Variants in AGMO observed in about 807,000 individuals in gnomAD.
The protein encoded by AGMO is glyceryl-ether monooxygenase.
In AGMO, 75 loss-of-function variants were observed where a neutral mutation model predicts 60.2. The ratio of observed to expected loss-of-function variants is 1.25; its 90% CI spans 1.03 to 1.51. The LOEUF is 1.51. Among genes scored for constraint, AGMO ranks in the 40% most tolerant of loss-of-function variants. The pLI, the probability that AGMO is intolerant of heterozygous loss-of-function variation, is 0.00. For synonymous variants in AGMO, 261 were observed against 177.1 expected, an observed-to-expected ratio of 1.47 and a Z score of -3.76; for missense variants, 763 against 525.5, an observed-to-expected ratio of 1.45 and a Z score of -4.42.
At chr7:15,288,566 A>G (rs367856678) in intron 12 of AGMO, among the ~76,000 whole-genome samples, 27 of 152,236 alleles carry the variant, frequency 1.8e-4, no homozygotes, top group Non-Finnish European at 3.4e-4. Context: ...GTCTATGTAC[A>G]TATTTACTCA....
the AGMO span, among the ~76,000 whole-genome samples, chr7:15,159,329 G>T: frequency 0.36 from 54,543 of 151,928 alleles, 10,398 homozygotes; most frequent in South Asian, 0.52. Flanking sequence ...AGTTTTAGTC[G>T]GATAAAAATC....
chr7:15,179,889 A>G, the AGMO span, among the ~76,000 whole-genome samples: 1 of 152,276 alleles, frequency 6.6e-6, no homozygotes, highest in South Asian at 2.1e-4. Flanking sequence ...AGCCACACTC[A>G]AGTTCACTTC....
chr7:15,403,523 T>C (rs1261868074), intron 5 of AGMO, among the ~76,000 whole-genome samples: 2 of 152,002 alleles, frequency 1.3e-5, no homozygotes, highest in Non-Finnish European at 2.9e-5. Flanking sequence ...AATGACAACA[T>C]CAGCATTTAT....
At chr7:15,151,274 AC>A in the AGMO span, among the ~76,000 whole-genome samples, 1 of 152,040 alleles carries the variant, frequency 6.6e-6, no homozygotes, top group African/African-American at 2.4e-5. Context: ...CAAAGAACAA[AC>A]TTTTCGTTTC....
At chr7:15,229,849 C>A (rs1023196850) in intron 12 of AGMO, among the ~76,000 whole-genome samples, 2 of 150,364 alleles carry the variant, frequency 1.3e-5, no homozygotes, top group Non-Finnish European at 3.0e-5. Flanking sequence ...ATATTTGATA[C>A]TGTAGAATTC....
the AGMO span, among the ~76,000 whole-genome samples, chr7:15,163,296 A>C: frequency 3.9e-5 from 6 of 152,064 alleles, no homozygotes; most frequent in Non-Finnish European, 8.8e-5. Context: ...CCACTTTTCC[A>C]ATTTGCATGC....
At chr7:15,182,468 T>G in the AGMO span, among the ~76,000 whole-genome samples, 1 of 152,190 alleles carries the variant, frequency 6.6e-6, no homozygotes, top group Non-Finnish European at 1.5e-5. Context: ...CAGGCTGGAG[T>G]GCAGTGGCAC....
At chr7:15,278,350 A>G (rs1783857925) in intron 12 of AGMO, among the ~76,000 whole-genome samples, 1 of 152,090 alleles carries the variant, frequency 6.6e-6, no homozygotes, top group South Asian at 2.1e-4. Flanking sequence ...GTCAGATGCC[A>G]GCAGTTTTGG....
At chr7:15,281,478 A>G (rs1783963074) in intron 12 of AGMO, among the ~76,000 whole-genome samples, 2 of 152,146 alleles carry the variant, frequency 1.3e-5, no homozygotes, top group Admixed American at 6.5e-5. Context: ...ACATTCCTGT[A>G]GATGAAAAGA....
intron 12 of AGMO, among the ~76,000 whole-genome samples, chr7:15,284,280 A>G (rs1466425260): frequency 5.9e-5 from 9 of 152,124 alleles, no homozygotes; most frequent in Non-Finnish European, 1.2e-4. Context: ...CAAAACATCA[A>G]TGAAACATAA....
chr7:15,197,784 G>A (rs986144588), downstream of AGMO, among the ~76,000 whole-genome samples: 24 of 152,240 alleles, frequency 1.6e-4, no homozygotes, highest in Middle Eastern at 3.4e-3. Context: ...GCATCAAATT[G>A]AATTGAAAAT....
chr7:15,363,088 T>TA (rs1397838840), intron 12 of AGMO, among the ~76,000 whole-genome samples: 10 of 152,224 alleles, frequency 6.6e-5, no homozygotes, highest in African/African-American at 2.4e-4. Context: ...GTAAGGCATT[T>TA]AGAACGTAGT....
chr7:15,534,427 T>C (rs534620738), intron 3 of AGMO, among the ~76,000 whole-genome samples: 301 of 152,140 alleles, frequency 2.0e-3, no homozygotes, highest in Middle Eastern at 3.4e-3. Flanking sequence ...GATATTCACT[T>C]GGGGAAAAGA....
chr7:15,365,492 G>A (rs375925676), intron 12 of AGMO, 22 bp downstream of exon 12: 1 of 1,542,878 alleles, frequency 6.5e-7, no homozygotes, highest in Admixed American at 1.7e-5. Flanking sequence ...CCATCCTGTG[G>A]CTACCTAAAC....
At chr7:15,246,776 C>A (rs1295620037) in intron 12 of AGMO, among the ~76,000 whole-genome samples, 4 of 152,140 alleles carry the variant, frequency 2.6e-5, no homozygotes, top group Admixed American at 6.5e-5. Flanking sequence ...CCTCCCCTTT[C>A]ATCCTGCTTC....
chr7:15,362,665 A>G (rs1329930218), intron 12 of AGMO, among the ~76,000 whole-genome samples: 4 of 152,334 alleles, frequency 2.6e-5, no homozygotes, highest in Admixed American at 2.0e-4. Flanking sequence ...CAGTTTCTGG[A>G]AAGAGTAGCT....
chr7:15,303,847 A>T (rs1035088311), intron 12 of AGMO, among the ~76,000 whole-genome samples: 1 of 152,144 alleles, frequency 6.6e-6, no homozygotes, highest in Admixed American at 6.6e-5. Context: ...GCACATACAC[A>T]TATATTCTTG....
intron 3 of AGMO, among the ~76,000 whole-genome samples, chr7:15,433,096 C>G (rs1481137502): frequency 6.6e-6 from 1 of 151,930 alleles, no homozygotes; most frequent in African/African-American, 2.4e-5. Flanking sequence ...AATACATTGT[C>G]TAGTTTTTGA....
intron 12 of AGMO, among the ~76,000 whole-genome samples, chr7:15,260,324 T>C (rs1219000920): frequency 1.3e-5 from 2 of 151,608 alleles, no homozygotes; most frequent in African/African-American, 4.8e-5. Context: ...TAGAAAAAGA[T>C]ATTCCATGCA....
Sources: allele counts gnomAD v4.1 joint callset (sites outside exome capture counted in the v4.1 genomes callset), GRCh38; gene constraint gnomAD v4.1.1; transcripts MANE v1.5; gene names NCBI Gene and HGNC (gene_info 2026-07-23, HGNC 2026-07-21).